PELP1: variants seen among roughly 807,000 people sequenced by gnomAD.
PELP1 encodes the protein proline, glutamate and leucine rich protein 1.
PELP1 carries 32 observed loss-of-function variants against 95.5 expected under a neutral mutation model. That is an observed-to-expected ratio of 0.34 (90% CI 0.25 to 0.45). PELP1 has a LOEUF of 0.45. Ranked by LOEUF, PELP1 falls within the 20% of genes least tolerant of loss-of-function variation. PELP1 has a pLI of 1.00. For synonymous variants in PELP1, 668 were observed against 600.1 expected, an observed-to-expected ratio of 1.11 and a Z score of -1.65; for missense variants, 1,358 against 1,444.8, an observed-to-expected ratio of 0.94 and a Z score of 0.97.
chr17:4,683,314 G>A (rs1007204083), intron 3 of PELP1, among the ~76,000 whole-genome samples: 44 of 150,194 alleles, frequency 2.9e-4, no homozygotes, highest in African/African-American at 7.6e-4. Flanking sequence ...TCCGCCTCCC[G>A]GGTTCACGCC....
chr17:4,685,785 C>T (rs1358551294), intron 3 of PELP1, among the ~76,000 whole-genome samples: 1 of 30,306 alleles, frequency 3.3e-5, no homozygotes, highest in South Asian at 1.1e-3. Context: ...AAAATGAAAC[C>T]ATGTCTTAAA....
intron 1 of PELP1, among the ~76,000 whole-genome samples, chr17:4,701,901 A>G (rs575515886): frequency 2.6e-5 from 4 of 152,312 alleles, no homozygotes; most frequent in African/African-American, 9.6e-5. Flanking sequence ...GATGTATCTA[A>G]ACAAGTAGCA....
intron 12 of PELP1, 21 bp downstream of exon 12, chr17:4,674,788 G>T: frequency 6.2e-7 from 1 of 1,603,780 alleles, no homozygotes; most frequent in Non-Finnish European, 8.5e-7. Context: ...GAGTCCTAAG[G>T]CGGAGCTGAG....
intron 3 of PELP1, among the ~76,000 whole-genome samples, chr17:4,690,005 G>A (rs773279140): frequency 2.2e-4 from 34 of 152,076 alleles, no homozygotes; most frequent in Non-Finnish European, 3.4e-4. Context: ...CAGCCTGGGC[G>A]ACAGAGCAAA....
chr17:4,672,321 CTCCTCT>C lies in PELP1; in HGVS notation c.2664_2669del (p.Glu907_Glu908del). ...CTTCTTCCTCTTCTTCCTCTTCCTC[CTCCTCT>C]TCATCACTGCTGTTGATATTAATAA... On this transcript the variant is annotated inframe_deletion, in exon 16 of 17. Transcript: ENST00000572293. 6.4e-7 allele frequency: 1 copy of C among 1,553,318 alleles called. No individual in the cohort carries two copies. The highest frequency in any genetic ancestry group is 2.4e-5 in the East Asian group (1 of 41,178).
chr17:4,686,032 G>A (rs1211945445), intron 3 of PELP1, among the ~76,000 whole-genome samples: 1 of 152,112 alleles, frequency 6.6e-6, no homozygotes, highest in Non-Finnish European at 1.5e-5. Flanking sequence ...GGGAGGTGGA[G>A]GTTGCAGTGA....
chr17:4,683,306 C>T (rs573156914), intron 3 of PELP1, among the ~76,000 whole-genome samples: 327 of 150,834 alleles, frequency 2.2e-3, no homozygotes, highest in African/African-American at 2.5e-3. Context: ...CTGCAAGCTC[C>T]GCCTCCCGGG....
At position 4,704,128 on chromosome 17, in the gene PELP1, G is replaced by A. The variant is rs958086324; in HGVS notation, c.-17C>T. The A allele has an allele frequency of 1.3e-6, 2 of 1,599,498 alleles. No homozygotes were observed. Among genetic ancestry groups the A allele is most frequent in the Non-Finnish European group, 1.7e-6 (2 of 1,176,244 alleles). On this transcript the variant is annotated 5_prime_UTR_variant, in exon 1 of 17. Coordinates refer to ENST00000572293, the MANE Select transcript of PELP1 (RefSeq NM_014389.3). ...TGCCGCCATCTTCCCCCGGGTTCCA[G>A]TGGTGGCGTGGCGCGATGACGCAAA... is the stretch of plus-strand genomic sequence containing the variant.
In PELP1 at chr17:4,671,104, T is replaced by C. The variant is rs1332109116; in HGVS notation, c.*335A>G. On this transcript the variant is annotated 3_prime_UTR_variant, in exon 17 of 17. Coordinates refer to ENST00000572293, the MANE Select transcript of PELP1 (RefSeq NM_014389.3). ...TTCTCCACACATTTCCCACCCCGAA[T>C]ACAAACACGAAAGCAGGGCTGTGTC... 1 of 330,004 alleles carries C rather than the reference T, an allele frequency of 3.0e-6. No homozygotes were observed. The highest frequency in any genetic ancestry group is 5.6e-6 in the Non-Finnish European group (1 of 177,030). The allele number at this position is 330,004 out of a possible 1,614,324, so 20.4% of individuals were successfully genotyped here. A position where few individuals can be genotyped will look rare whatever the true frequency, so the allele number is the denominator to read the frequency against.
chr17:4,671,851 C>A lies in PELP1; in HGVS notation c.3140G>T (p.Gly1047Val). 1 of 1,511,926 alleles carries A rather than the reference C, an allele frequency of 6.6e-7. No homozygotes were observed. The highest frequency in any genetic ancestry group is 1.4e-5 in the African/African-American group (1 of 71,502). The allele number at this position is 1,511,926 out of a possible 1,614,324, so 93.7% of individuals were successfully genotyped here. A position where few individuals can be genotyped will look rare whatever the true frequency, so the allele number is the denominator to read the frequency against. Residue 1047 changes from glycine (G) to valine (V), a missense_variant, in exon 16 of 17, where the codon GGG becomes GTG. This residue lies in a region of PELP1 where 283 missense variants were observed against 284.1 expected (regional missense o/e 1.00). Coordinates refer to ENST00000572293, the MANE Select transcript of PELP1 (RefSeq NM_014389.3). Reference protein sequence around the residue: ...VEREGESPAAGPPPQELVEEE... With the variant: ...VEREGESPAAVPPPQELVEEE... ...TTCAACAAGCTCCTGGGGAGGGGGC[C>A]CTGCCGCAGGGCTTTCCCCTTCCCT...
chr17:4,687,918 C>G (rs944015979), intron 3 of PELP1, among the ~76,000 whole-genome samples: 17 of 152,216 alleles, frequency 1.1e-4, no homozygotes, highest in African/African-American at 4.1e-4. Context: ...TTATACTGAA[C>G]AGGGAAAAGT....
intron 2 of PELP1, 68 bp downstream of exon 2, chr17:4,691,310 A>T (rs933561040): frequency 3.6e-6 from 4 of 1,108,366 alleles, no homozygotes; most frequent in Non-Finnish European, 5.5e-6. Flanking sequence ...CAATGAAAGC[A>T]AAGATGTACA....
Position 4,672,751 on chromosome 17 carries a change from G to T in PELP1, c.2240C>A (p.Pro747Gln). ...DPILAPSGTP[P>Q]PTIPPDETFG... ...AGTTTCATCTGGGGGTATAGTAGGT[G>T]GGGGAGTCCCACTAGGGGCAAGGAT... Residue 747 changes from proline to glutamine, a missense_variant, in exon 16 of 17, where the codon CCA becomes CAA. Pro to Gln is a moderately conservative substitution (Grantham distance 76). Transcript: ENST00000572293. 1 of 1,613,446 alleles carries T rather than the reference G, an allele frequency of 6.2e-7. No homozygotes were observed. The highest frequency in any genetic ancestry group is 8.5e-7 in the Non-Finnish European group (1 of 1,179,578).
At chr17:4,701,086 T>C (rs1169772651) in intron 1 of PELP1, among the ~76,000 whole-genome samples, 2 of 141,184 alleles carry the variant, frequency 1.4e-5, no homozygotes, top group African/African-American at 2.7e-5. Context: ...GGGGGCAGCA[T>C]AGGGTGGGGT....
chr17:4,673,389 G>C lies in PELP1; in HGVS notation c.1706C>G (p.Pro569Arg). The change falls in exon 15 of 17, where the codon CCG becomes CGG. Residue 569 changes from proline (P) to arginine (R), a missense_variant. Transcript: ENST00000572293. This position sits in a 1 kb window ranked among gnomAD's most constrained non-coding sequence, Gnocchi z 5.7. ...ACGGCGGCAGCGGGAGCTCGTGTACGGGGAGCTGCCTAGGACCTCACCCTG... is the reference window on the plus strand; with the variant it reads ...ACGGCGGCAGCGGGAGCTCGTGTACCGGGAGCTGCCTAGGACCTCACCCTG... ...VQQGEVLGSS[P>R]YTSSRCRREL... is the part of the protein sequence containing the mutation. The C allele has an allele frequency of 6.3e-7, 1 of 1,597,372 alleles. No individual in the cohort carries two copies. Among genetic ancestry groups the C allele is most frequent in the Non-Finnish European group, 8.5e-7 (1 of 1,172,514 alleles).
chr17:4,672,691 T>C lies in PELP1; in HGVS notation c.2300A>G (p.His767Arg). The change falls in exon 16 of 17, where the codon CAC becomes CGC. Residue 767 changes from histidine (H) to arginine (R), a missense_variant. This residue lies in a region of PELP1 where 340 missense variants were observed against 322.9 expected (regional missense o/e 1.05). Coordinates refer to ENST00000572293, the MANE Select transcript of PELP1 (RefSeq NM_014389.3). The part of the protein sequence containing the change: ...GGRVPRPAFV[H>R]YDKEEASDVE... ...ATCAGATGCCTCCTCCTTGTCATAG[T>C]GGACAAAGGCTGGTCTGGGCACTCT... The C allele has an allele frequency of 6.2e-7, 1 of 1,613,462 alleles. No individual in the cohort carries two copies. Among genetic ancestry groups the C allele is most frequent in the Non-Finnish European group, 8.5e-7 (1 of 1,179,702 alleles).
At position 4,670,808 on chromosome 17, in the gene PELP1, C is replaced by G. The variant is rs533505963; in HGVS notation, c.*631G>C. 6.5e-6 allele frequency: 1 copy of G among 152,730 alleles called. No homozygotes were observed. Among genetic ancestry groups the G allele is most frequent in the South Asian group, 2.1e-4 (1 of 4,850 alleles). 9.5% of individuals were successfully genotyped at this position (152,730 alleles called of 1,614,324 possible). A position where few individuals can be genotyped will look rare whatever the true frequency, so the allele number is the denominator to read the frequency against. ...AGGCCTGGGGTGAGCTTATCAAACT[C>G]CTGCCAGGGAGCTGTGAGGGGAACT... On this transcript the variant is annotated 3_prime_UTR_variant, in exon 17 of 17. Coordinates refer to ENST00000572293, the MANE Select transcript of PELP1 (RefSeq NM_014389.3).
In PELP1 at chr17:4,672,100, T is replaced by A; in HGVS notation, c.2891A>T (p.Glu964Val). ...EEELEEVEDL[E>V]FGTAGGEVEE... is the part of the protein sequence containing the mutation. ...TACCTCCCCTCCTGCTGTGCCAAAC[T>A]CCAGGTCTTCCACCTCTTCCAGTTC... Residue 964 changes from glutamate (E) to valine (V), a missense_variant, in exon 16 of 17, where the codon GAG (glutamate) becomes GTG (valine). Glu to Val is a moderately radical substitution (Grantham distance 121). Around this residue, in one of 7 missense-constraint regions of PELP1, gnomAD observed 283 missense variants for 284.1 expected, o/e 1.00. Transcript: ENST00000572293. The A allele has an allele frequency of 6.4e-7, 1 of 1,553,998 alleles. No homozygotes were observed. The highest frequency in any genetic ancestry group is 1.2e-5 in the South Asian group (1 of 84,188).
At chr17:4,683,300 A>G (rs1237294287) in intron 3 of PELP1, among the ~76,000 whole-genome samples, 1 of 149,786 alleles carries the variant, frequency 6.7e-6, no homozygotes, top group Non-Finnish European at 1.5e-5. Context: ...GGCTCACTGC[A>G]AGCTCCGCCT....
Sources: allele counts gnomAD v4.1 joint callset (sites outside exome capture counted in the v4.1 genomes callset), GRCh38; gene constraint gnomAD v4.1.1; regional missense constraint gnomAD v4.1.1; non-coding constraint Gnocchi (gnomAD v3.1); transcripts MANE v1.5; gene names NCBI Gene and HGNC (gene_info 2026-07-23, HGNC 2026-07-21).